Variants in SLAMF1 observed in about 807,000 individuals in gnomAD.
The protein encoded by SLAMF1 is signaling lymphocytic activation molecule family member 1.
SLAMF1 carries 18 observed loss-of-function variants against 35.1 expected under a neutral mutation model. The ratio of observed to expected loss-of-function variants is 0.51; its 90% CI spans 0.35 to 0.76. SLAMF1 has a LOEUF of 0.76. Among genes scored for constraint, SLAMF1 ranks in the 30% least tolerant of loss-of-function variants. The pLI, the probability that SLAMF1 is intolerant of heterozygous loss-of-function variation, is 0.01. For synonymous variants in SLAMF1, 168 were observed against 157.2 expected (o/e 1.07, Z -0.51); for missense variants, 392 against 413.0 (o/e 0.95, Z 0.44).
intron 2 of SLAMF1, among the ~76,000 whole-genome samples, chr1:160,635,625 G>A (rs941397656): frequency 6.8e-6 from 1 of 146,910 alleles, no homozygotes; most frequent in Non-Finnish European, 1.5e-5. Context: ...AAGCTGGAGT[G>A]CAGTGGCACA....
intron 5 of SLAMF1, among the ~76,000 whole-genome samples, chr1:160,614,362 T>G (rs1223737121): frequency 6.6e-6 from 1 of 151,600 alleles, no homozygotes; most frequent in African/African-American, 2.4e-5. Context: ...GATCACGAGG[T>G]CAGGAGATCG....
chr1:160,625,377 C>T (rs1002962196), intron 3 of SLAMF1, among the ~76,000 whole-genome samples: 4 of 152,116 alleles, frequency 2.6e-5, no homozygotes, highest in African/African-American at 9.7e-5. Flanking sequence ...GAAAAATAGT[C>T]GGGTTCCAAA....
At chr1:160,643,811 A>G (rs915436865) in intron 1 of SLAMF1, among the ~76,000 whole-genome samples, 2 of 152,200 alleles carry the variant, frequency 1.3e-5, no homozygotes, top group Non-Finnish European at 2.9e-5. Context: ...ACAATAGATT[A>G]TTGTTAACTA....
intron 3 of SLAMF1, 100 bp from the exon 4 acceptor site, chr1:160,624,285 G>T (rs1338449641): frequency 4.7e-6 from 4 of 856,028 alleles, no homozygotes; most frequent in Non-Finnish European, 1.9e-6. Flanking sequence ...TTCTATTTCT[G>T]CATTCTCTCC....
At position 160,608,465 on chromosome 1, in the gene SLAMF1, G is replaced by C. The variant is rs1239170172; in HGVS notation, c.*2283C>G. On this transcript the variant is annotated 3_prime_UTR_variant, in exon 7 of 7. Transcript: ENST00000302035. ...CCATAGTGCCATTTGGGGGAAACTA[G>C]AGAGTTGTGAATGTATCACCAGAAG... 1 of 152,276 alleles carries C rather than the reference G, an allele frequency of 6.6e-6. No homozygotes were observed. Among genetic ancestry groups the C allele is most frequent in the Non-Finnish European group, 1.5e-5 (1 of 68,076 alleles). The allele number at this position is 152,276 out of a possible 1,614,324, so 9.4% of individuals were successfully genotyped here. A position where few individuals can be genotyped will look rare whatever the true frequency, so the allele number is the denominator to read the frequency against.
chr1:160,626,014 A>G (rs890697858), intron 3 of SLAMF1, among the ~76,000 whole-genome samples: 2 of 152,302 alleles, frequency 1.3e-5, no homozygotes, highest in East Asian at 3.9e-4. Context: ...CCAGCAAACC[A>G]TTATAGTAGC....
intron 5 of SLAMF1, among the ~76,000 whole-genome samples, chr1:160,617,066 G>A (rs1054022437): frequency 2.6e-5 from 4 of 151,986 alleles, no homozygotes; most frequent in Admixed American, 2.6e-4. Flanking sequence ...CGAGACAGGA[G>A]AATGGCTTGA....
intron 3 of SLAMF1, among the ~76,000 whole-genome samples, chr1:160,631,534 AC>A (rs1474477844): frequency 1.3e-5 from 2 of 152,114 alleles, no homozygotes; most frequent in East Asian, 3.9e-4. Flanking sequence ...TCAGAATATG[AC>A]CGTATTTGGA....
rs529025271 is a variant in SLAMF1 at position 160,637,918 on chromosome 1, T to C, written c.77-389A>G. Among the ~76,000 whole-genome samples, 3 of 152,180 alleles carry C rather than the reference T, an allele frequency of 2.0e-5. No individual in the cohort carries two copies. The East Asian group carries it at 5.8e-4, about 29-fold the overall frequency. On this transcript the variant is annotated intron_variant, in intron 1 of 6. Transcript: ENST00000302035. ...TACCAGGGTTTTTTCCACCATTGAA[T>C]ATACAGGATGAAGGATGGAGAGCAA... is the stretch of plus-strand genomic sequence containing the variant.
intron 1 of SLAMF1, among the ~76,000 whole-genome samples, chr1:160,643,473 G>A (rs965676057): frequency 6.6e-6 from 1 of 152,092 alleles, no homozygotes; most frequent in Non-Finnish European, 1.5e-5. Context: ...TTATTCGTTT[G>A]GATCAGAGCA....
At chr1:160,646,476 G>A (rs1661045137) in intron 1 of SLAMF1, among the ~76,000 whole-genome samples, 1 of 152,162 alleles carries the variant, frequency 6.6e-6, no homozygotes, top group Non-Finnish European at 1.5e-5. Context: ...GGGATGTAGG[G>A]CAAATCTTCT....
At chr1:160,611,584 C>G (rs929912777) in intron 6 of SLAMF1, among the ~76,000 whole-genome samples, 1 of 152,150 alleles carries the variant, frequency 6.6e-6, no homozygotes, top group African/African-American at 2.4e-5. Context: ...ATCCTGGGCT[C>G]TCTTCTGAAA....
chr1:160,639,759 G>A (rs1030540375), intron 1 of SLAMF1, among the ~76,000 whole-genome samples: 9 of 151,912 alleles, frequency 5.9e-5, no homozygotes, highest in Admixed American at 3.3e-4. Flanking sequence ...TTCTAGCACC[G>A]ATAGAATAAA....
chr1:160,646,992 GC>G lies in SLAMF1; in HGVS notation c.-48del. ...GGATCCTGGCCGGAGCCTGGCAGCTGCTCACAGATGCCAGGCAGAAGCAAGC... is the reference window on the plus strand; with the variant it reads ...GGATCCTGGCCGGAGCCTGGCAGCTGTCACAGATGCCAGGCAGAAGCAAGC... On this transcript the variant is annotated 5_prime_UTR_variant, in exon 1 of 7. Coordinates refer to ENST00000302035, the MANE Select transcript of SLAMF1 (RefSeq NM_003037.5). 1.6e-5 allele frequency: 15 copies of G among 957,810 alleles called. No homozygotes were observed. Among genetic ancestry groups the G allele is most frequent in the Non-Finnish European group, 2.5e-5 (15 of 592,030 alleles). The allele number at this position is 957,810 out of a possible 1,614,324, so 59.3% of individuals were successfully genotyped here.
intron 1 of SLAMF1, among the ~76,000 whole-genome samples, chr1:160,645,170 G>T (rs919294218): frequency 1.3e-5 from 2 of 152,202 alleles, no homozygotes; most frequent in African/African-American, 4.8e-5. Context: ...ATTCTGACTG[G>T]GAATTAGAAG....
At chr1:160,610,906 G>T in intron 6 of SLAMF1, 108 bp from the exon 7 acceptor site, 1 of 881,478 alleles carries the variant, frequency 1.1e-6, no homozygotes, top group Non-Finnish European at 1.9e-6. Context: ...AGAGATCATG[G>T]CTTGTGCAGG....
chr1:160,638,338 A>G (rs1660560194), intron 1 of SLAMF1, among the ~76,000 whole-genome samples: 1 of 152,162 alleles, frequency 6.6e-6, no homozygotes, highest in South Asian at 2.1e-4. Flanking sequence ...TCCACTTATT[A>G]CCACCACTAA....
intron 4 of SLAMF1, 84 bp from the exon 5 acceptor site, chr1:160,619,933 G>T: frequency 1.1e-6 from 1 of 881,168 alleles, no homozygotes; most frequent in Non-Finnish European, 1.9e-6. Flanking sequence ...ACTGTCCTTT[G>T]CATACCCACT....
chr1:160,644,965 G>A (rs11265454), intron 1 of SLAMF1, among the ~76,000 whole-genome samples: 25,023 of 152,110 alleles, frequency 0.16, 2,180 homozygotes, highest in East Asian at 0.31. Context: ...ATCCTGGTGG[G>A]GGATATTGAT....
Sources: allele counts gnomAD v4.1 joint callset (sites outside exome capture counted in the v4.1 genomes callset), GRCh38; gene constraint gnomAD v4.1.1; transcripts MANE v1.5; gene names NCBI Gene and HGNC (gene_info 2026-07-23, HGNC 2026-07-21).